The following PCDH9 variants were observed in gnomAD, a reference collection of about 807,000 sequenced individuals.
PCDH9 encodes the protein protocadherin 9.
PCDH9 carries 24 observed loss-of-function variants against 70.6 expected under a neutral mutation model. The observed-to-expected ratio is 0.34, with a 90% CI of 0.25 to 0.48. The LOEUF is 0.48. Ranked by LOEUF, PCDH9 falls within the 20% of genes least tolerant of loss-of-function variation. The pLI, the probability that PCDH9 is intolerant of heterozygous loss-of-function variation, is 0.99. For missense variants in PCDH9, 1,281 were observed against 1,503.6 expected (o/e 0.85, Z 2.45); for synonymous variants, 562 against 558.5 (o/e 1.01, Z -0.09).
At chr13:66,745,269 C>A (rs1367011424) in intron 3 of PCDH9, among the ~76,000 whole-genome samples, 1 of 152,072 alleles carries the variant, frequency 6.6e-6, no homozygotes. Context: ...ATGTTTCATA[C>A]CTGTAGAAAT....
intron 2 of PCDH9, among the ~76,000 whole-genome samples, chr13:67,131,801 T>C (rs1290791579): frequency 5.3e-5 from 8 of 152,226 alleles, no homozygotes; most frequent in African/African-American, 9.6e-5. Context: ...TCGTGGACTT[T>C]AGGGTGCTAC....
In PCDH9 at chr13:66,910,757, C is replaced by A. The variant is rs533216029; in HGVS notation, c.3037-7152G>T. 2.0e-3 allele frequency among the ~76,000 whole-genome samples: 299 copies of A among 152,192 alleles called. 2 individuals carry two copies. Among genetic ancestry groups the A allele is most frequent in the African/African-American group, 6.9e-3 (285 of 41,510 alleles). On this transcript the variant is annotated intron_variant, in intron 2 of 4. Transcript: ENST00000377865. The stretch of plus-strand genomic sequence containing the variant: ...AACAATTTAATAAAATGTTTAGGTG[C>A]CACGTACCGTAACCAAAAAATAGCT...
At chr13:66,831,632 A>C (rs899520665) in intron 3 of PCDH9, among the ~76,000 whole-genome samples, 2 of 152,154 alleles carry the variant, frequency 1.3e-5, no homozygotes, top group African/African-American at 4.8e-5. Context: ...TAATTTTCAT[A>C]AACAGAATTT....
chr13:66,548,376 C>T (rs566363727), intron 4 of PCDH9, among the ~76,000 whole-genome samples: 6 of 151,866 alleles, frequency 4.0e-5, no homozygotes, highest in Non-Finnish European at 8.8e-5. Context: ...ACCAGCCTGG[C>T]CAATATGGTG....
chr13:66,720,801 CAA>C (rs753804066), intron 3 of PCDH9, among the ~76,000 whole-genome samples: 12 of 151,832 alleles, frequency 7.9e-5, no homozygotes, highest in Non-Finnish European at 1.5e-4. Flanking sequence ...CAATAAATCC[CAA>C]GAGAGAAAAT....
intron 2 of PCDH9, among the ~76,000 whole-genome samples, chr13:67,043,310 G>A (rs998266866): frequency 7.9e-5 from 12 of 152,158 alleles, no homozygotes; most frequent in Admixed American, 5.2e-4. Context: ...TCCATGTAAA[G>A]AGTGATTGTG....
intron 2 of PCDH9, among the ~76,000 whole-genome samples, chr13:66,906,931 C>A (rs1255695427): frequency 6.6e-6 from 1 of 151,638 alleles, no homozygotes; most frequent in African/African-American, 2.4e-5. Flanking sequence ...CTCGGCTGGG[C>A]GCAGTGGCTC....
intron 4 of PCDH9, among the ~76,000 whole-genome samples, chr13:66,446,556 A>C (rs1286124275): frequency 6.6e-6 from 1 of 152,104 alleles, no homozygotes; most frequent in African/African-American, 2.4e-5. Context: ...GCTACATATG[A>C]AAGGAATGTT....
intron 4 of PCDH9, among the ~76,000 whole-genome samples, chr13:66,554,307 T>C (rs896184571): frequency 6.6e-6 from 1 of 152,152 alleles, no homozygotes. Context: ...ATATTTATAA[T>C]GTATACTCTT....
At chr13:66,547,935 T>C (rs1961287124) in intron 4 of PCDH9, among the ~76,000 whole-genome samples, 2 of 147,630 alleles carry the variant, frequency 1.4e-5, no homozygotes, top group Non-Finnish European at 3.0e-5. Flanking sequence ...TATATAATAA[T>C]ATATATATTT....
intron 2 of PCDH9, among the ~76,000 whole-genome samples, chr13:66,984,625 C>T (rs1395555236): frequency 1.3e-5 from 2 of 152,108 alleles, no homozygotes; most frequent in African/African-American, 2.4e-5. Flanking sequence ...AAAATGGAAT[C>T]TTACACATTG....
intron 3 of PCDH9, among the ~76,000 whole-genome samples, chr13:66,816,855 G>GT (rs2080613955): frequency 7.7e-6 from 1 of 129,430 alleles, no homozygotes; most frequent in Admixed American, 8.2e-5. Context: ...TGTAAAACAA[G>GT]GTTTTTTTTT....
In PCDH9 at chr13:66,890,950, T is replaced by A. The variant is rs567403573; in HGVS notation, c.3138+12554A>T. Among the ~76,000 whole-genome samples the A allele has an allele frequency of 6.6e-5, 10 of 152,260 alleles. No individual in the cohort carries two copies. In the East Asian group the frequency reaches 1.9e-3, roughly 29 times the overall value. On this transcript the variant is annotated intron_variant, in intron 3 of 4. Transcript: ENST00000377865. Reference sequence around the variant, plus strand: ...AAACTTCCTCTGTGCCCCTTTGTACTTAATGTCTTCCTTCAATCCCCAGTT... The same window carrying A: ...AAACTTCCTCTGTGCCCCTTTGTACATAATGTCTTCCTTCAATCCCCAGTT...
At chr13:67,020,490 A>G (rs557848534) in intron 2 of PCDH9, among the ~76,000 whole-genome samples, 1 of 152,334 alleles carries the variant, frequency 6.6e-6, no homozygotes, top group Non-Finnish European at 1.5e-5. Flanking sequence ...ACCCCTGAAG[A>G]AGAATTCCCA....
chr13:66,602,439 C>T (rs1470600751), intron 4 of PCDH9, among the ~76,000 whole-genome samples: 3 of 144,744 alleles, frequency 2.1e-5, no homozygotes, highest in East Asian at 1.9e-4. Context: ...TGATCTTGAC[C>T]GTGCATAGGC....
At chr13:66,789,319 G>A (rs543704782) in intron 3 of PCDH9, among the ~76,000 whole-genome samples, 11 of 152,182 alleles carry the variant, frequency 7.2e-5, no homozygotes, top group African/African-American at 2.4e-4. Context: ...CTCCCCCGTG[G>A]CTAATAGTTT....
intron 2 of PCDH9, among the ~76,000 whole-genome samples, chr13:67,048,796 C>T (rs767953128): frequency 1.3e-5 from 2 of 152,186 alleles, no homozygotes; most frequent in Non-Finnish European, 2.9e-5. Context: ...GTGACTCACA[C>T]GGTTTTGCAC....
chr13:66,535,841 G>A (rs960997798), intron 4 of PCDH9, among the ~76,000 whole-genome samples: 9 of 151,858 alleles, frequency 5.9e-5, no homozygotes, highest in Admixed American at 5.9e-4. Flanking sequence ...TGATATCATT[G>A]GCAGCCCCCA....
At chr13:66,310,266 T>C (rs1438590588) in intron 4 of PCDH9, among the ~76,000 whole-genome samples, 1 of 152,166 alleles carries the variant, frequency 6.6e-6, no homozygotes, top group East Asian at 1.9e-4. Context: ...GGTCTCAAAA[T>C]TCATCTTCAC....
Sources: allele counts gnomAD v4.1 joint callset (sites outside exome capture counted in the v4.1 genomes callset), GRCh38; gene constraint gnomAD v4.1.1; transcripts MANE v1.5; gene names NCBI Gene and HGNC (gene_info 2026-07-23, HGNC 2026-07-21).